HHIPL2: variants seen among roughly 807,000 people sequenced by gnomAD.
HHIPL2 encodes the protein HHIP-like protein 2.
In HHIPL2, 61 loss-of-function variants were observed where a neutral mutation model predicts 61.0. The ratio of observed to expected loss-of-function variants is 1.00; its 90% confidence interval spans 0.81 to 1.24. HHIPL2 has a LOEUF of 1.24. HHIPL2 is among the 50% of genes most tolerant of loss of function. HHIPL2 has a pLI of 0.00. For missense variants in HHIPL2, 885 were observed against 910.2 expected, an observed-to-expected ratio of 0.97 and a Z score of 0.36; for synonymous variants, 343 against 357.4, an observed-to-expected ratio of 0.96 and a Z score of 0.45.
chr1:222,539,876 G>C (rs1227387937), intron 4 of HHIPL2, 134 bp downstream of exon 4: 1 of 710,630 alleles, frequency 1.4e-6, no homozygotes, highest in Non-Finnish European at 2.3e-6. Context: ...GGTTGGAGAA[G>C]CACTACACCA....
At chr1:222,536,936 GGC>G (rs1242665060) in intron 5 of HHIPL2, among the ~76,000 whole-genome samples, 1 of 152,028 alleles carries the variant, frequency 6.6e-6, no homozygotes, top group Non-Finnish European at 1.5e-5. Context: ...CTACTGGGGA[GGC>G]TGAGGTGGGA....
rs539287050 is a variant in HHIPL2, at chr1:222,543,807, G to T, written c.704C>A (p.Ala235Asp). ...AGDGTHRFFV[A>D]EQVGVVWVYL... is the part of the protein sequence containing the mutation. ...GACCCACACCACTCCTACCTGCTCGGCAACAAAGAAGCGATGGGTGCCGTC... is the reference window on the plus strand; with the variant it reads ...GACCCACACCACTCCTACCTGCTCGTCAACAAAGAAGCGATGGGTGCCGTC... The change falls in exon 2 of 9, where the codon GCC (alanine) becomes GAC (aspartate). Residue 235 changes from alanine to aspartate, a missense_variant. Coordinates refer to ENST00000343410, the MANE Select transcript of HHIPL2 (RefSeq NM_024746.4). 4.6e-5 allele frequency: 74 copies of T among 1,614,078 alleles called. No individual in the cohort carries two copies. In the South Asian group the frequency reaches 7.5e-4, roughly 16 times the overall value.
At position 222,540,331 on chromosome 1, in the gene HHIPL2, G is replaced by A; in HGVS notation, c.1129C>T (p.Leu377=). The A allele has an allele frequency of 1.2e-6, 2 of 1,603,960 alleles. No individual in the cohort carries two copies. The highest frequency in any genetic ancestry group is 1.7e-6 in the Non-Finnish European group (2 of 1,174,106). ...FGNAQNKSSL[L]GKVLRIDVNR... is the part of the protein sequence containing the mutation. ...ACATCGATCCTTAAAACTTTTCCCA[G>A]CAGGGAACTTCTGAAAGAAAGAAGG... is the stretch of plus-strand genomic sequence containing the variant. Residue 377 remains leucine, a synonymous_variant, in exon 4 of 9, where the codon CTG becomes TTG. Transcript: ENST00000343410.
chr1:222,522,531 G>T lies in HHIPL2; in HGVS notation c.*70C>A. 1 of 1,517,584 alleles carries T rather than the reference G, an allele frequency of 6.6e-7. No individual in the cohort carries two copies. The highest frequency in any genetic ancestry group is 8.9e-7 in the Non-Finnish European group (1 of 1,117,918). The allele number at this position is 1,517,584 out of a possible 1,614,324, so 94.0% of individuals were successfully genotyped here. A position where few individuals can be genotyped will look rare whatever the true frequency, so the allele number is the denominator to read the frequency against. On this transcript the variant is annotated 3_prime_UTR_variant, in exon 9 of 9. Transcript: ENST00000343410. Reference sequence around the variant, plus strand: ...CCCAGACTTCTAAGGTCTTTATTCAGCAGTGACTTTCATTTGATGAGGTGG... The same window carrying T: ...CCCAGACTTCTAAGGTCTTTATTCATCAGTGACTTTCATTTGATGAGGTGG...
chr1:222,546,283 G>A (rs1283339311), intron 1 of HHIPL2, among the ~76,000 whole-genome samples: 1 of 152,150 alleles, frequency 6.6e-6, no homozygotes, highest in Non-Finnish European at 1.5e-5. Context: ...AAAACTTGGA[G>A]CCTGAGCATC....
chr1:222,537,631 CAAA>C (rs755361476), intron 5 of HHIPL2, among the ~76,000 whole-genome samples: 2 of 80,626 alleles, frequency 2.5e-5, no homozygotes. Context: ...GACTCCATCT[CAAA>C]AAAAAAAAAA....
At chr1:222,530,888 G>A (rs17163158) in intron 6 of HHIPL2, among the ~76,000 whole-genome samples, 14,376 of 151,728 alleles carry the variant, frequency 0.095, 795 homozygotes, top group African/African-American at 0.15. Flanking sequence ...GTGATATCTC[G>A]TGCCAAATAC....
chr1:222,542,442 C>G (rs1455834447), intron 2 of HHIPL2, among the ~76,000 whole-genome samples: 1 of 151,582 alleles, frequency 6.6e-6, no homozygotes, highest in Non-Finnish European at 1.5e-5. Context: ...CACCTCACTG[C>G]AACCTCCACC....
At chr1:222,528,177 G>C (rs948333776) in intron 6 of HHIPL2, among the ~76,000 whole-genome samples, 1 of 152,170 alleles carries the variant, frequency 6.6e-6, no homozygotes, top group Non-Finnish European at 1.5e-5. Context: ...AGTCTGATTT[G>C]ATTTCTGATA....
At chr1:222,539,899 A>G in intron 4 of HHIPL2, 111 bp downstream of exon 4, 2 of 879,200 alleles carry the variant, frequency 2.3e-6, no homozygotes, top group South Asian at 3.2e-5. Flanking sequence ...GGACACAAAC[A>G]AGGCGTGATT....
At chr1:222,530,113 A>G (rs1659157517) in intron 6 of HHIPL2, among the ~76,000 whole-genome samples, 1 of 152,168 alleles carries the variant, frequency 6.6e-6, no homozygotes, top group Admixed American at 6.5e-5. Context: ...AGTCTACCCC[A>G]TGAAATTCAG....
rs1659491495 is a variant in HHIPL2, at chr1:222,543,787, ACAC to A, written c.721_723del (p.Val241del). On this transcript the variant is annotated inframe_deletion, in exon 2 of 9. Transcript: ENST00000343410. ...CGACTCCCATCAGGGAGGTAGACCC[ACAC>A]CACTCCTACCTGCTCGGCAACAAAG... 1 of 1,614,040 alleles carries A rather than the reference ACAC, an allele frequency of 6.2e-7. No individual in the cohort carries two copies. The highest frequency in any genetic ancestry group is 1.7e-5 in the Admixed American group (1 of 59,998).
Position 222,542,152 on chromosome 1 carries a change from G to T in HHIPL2, c.978C>A (p.Val326=). ...AGGCTGGTTCTTCAATCTCCAAGAT[G>T]ACCCTGGAAGAGAAAAAAGAAACCA... The part of the protein sequence containing the change: ...PNKADLKSER[V]ILEIEEPASN... Residue 326 remains valine, a synonymous_variant, in exon 3 of 9, where the codon GTC becomes GTA. Transcript: ENST00000343410. 1.9e-6 allele frequency: 3 copies of T among 1,612,082 alleles called. No homozygotes were observed. Among genetic ancestry groups the T allele is most frequent in the Admixed American group, 1.7e-5 (1 of 59,408 alleles).
At position 222,523,577 on chromosome 1, in the gene HHIPL2, C is replaced by G. The variant is rs1214663455; in HGVS notation, c.1888+35G>C. 7 of 1,598,146 alleles carry G rather than the reference C, an allele frequency of 4.4e-6. No individual in the cohort carries two copies. In the East Asian group the frequency reaches 1.6e-4, roughly 36 times the overall value. The stretch of plus-strand genomic sequence containing the variant: ...GAGGGCACTGCCTTAGCCTCCACAC[C>G]AAGGCCTGAGCCTAAGACTCAAAGA... On this transcript the variant is annotated intron_variant, in intron 8 of 8. Coordinates refer to ENST00000343410, the MANE Select transcript of HHIPL2 (RefSeq NM_024746.4).
chr1:222,536,870 T>C (rs1659310811), intron 5 of HHIPL2, among the ~76,000 whole-genome samples: 2 of 151,554 alleles, frequency 1.3e-5, no homozygotes, highest in African/African-American at 4.9e-5. Context: ...GGCAACATAG[T>C]AAGACTCCAT....
Position 222,522,392 on chromosome 1 carries a change from GA to G in HHIPL2, c.*208del, listed in dbSNP as rs1658970546. The G allele has an allele frequency of 3.3e-6, 2 of 601,606 alleles. No homozygotes were observed. The highest frequency in any genetic ancestry group is 3.7e-5 in the African/African-American group (2 of 54,140). The allele number at this position is 601,606 out of a possible 1,614,324, so 37.3% of individuals were successfully genotyped here. ...TAACCCAGGTGCACCAGCAATCTGG[GA>G]TATGGTCTCCCACAGAAGCACTGCA... is the stretch of plus-strand genomic sequence containing the variant. On this transcript the variant is annotated 3_prime_UTR_variant, in exon 9 of 9. Transcript: ENST00000343410.
At chr1:222,532,249 C>G in intron 5 of HHIPL2, 138 bp from the exon 6 acceptor site, 1 of 677,396 alleles carries the variant, frequency 1.5e-6, no homozygotes, top group Non-Finnish European at 2.3e-6. Context: ...TGCCTCCAAG[C>G]AACCAAAAAG....
At chr1:222,523,749 A>G in intron 7 of HHIPL2, 55 bp from the exon 8 acceptor site, 1 of 1,549,224 alleles carries the variant, frequency 6.5e-7, no homozygotes, top group Non-Finnish European at 8.9e-7. Flanking sequence ...TGCAACCGGA[A>G]AATCAAGGTT....
chr1:222,534,457 G>T (rs1302317077), intron 5 of HHIPL2, among the ~76,000 whole-genome samples: 2 of 151,952 alleles, frequency 1.3e-5, no homozygotes, highest in Non-Finnish European at 2.9e-5. Flanking sequence ...GATGCCTGTA[G>T]TCCCAGCTAC....
Sources: allele counts gnomAD v4.1 joint callset (sites outside exome capture counted in the v4.1 genomes callset), GRCh38; gene constraint gnomAD v4.1.1; transcripts MANE v1.5; gene names NCBI Gene and HGNC (gene_info 2026-07-23, HGNC 2026-07-21).